The following ZNF609 variants were observed in gnomAD, a reference collection of about 807,000 sequenced individuals.
ZNF609 encodes the protein zinc finger protein 609.
Under a neutral mutation model 109.5 loss-of-function variants are expected in ZNF609, and 11 were observed. That is an observed-to-expected ratio of 0.10 (90% CI 0.06 to 0.17). The LOEUF is 0.17. Among genes scored for constraint, ZNF609 ranks in the 10% least tolerant of loss-of-function variants. The probability of loss-of-function intolerance (pLI) is 1.00; values close to 1 mark genes in which losing one functional copy is unlikely to be tolerated. For missense variants in ZNF609, 1,559 were observed against 1,772.4 expected, an observed-to-expected ratio of 0.88 and a Z score of 2.16; for synonymous variants, 646 against 662.0, an observed-to-expected ratio of 0.98 and a Z score of 0.37.
chr15:64,592,689 G>A (rs754669144), intron 2 of ZNF609, among the ~76,000 whole-genome samples: 1 of 151,646 alleles, frequency 6.6e-6, no homozygotes, highest in Non-Finnish European at 1.5e-5. Flanking sequence ...GGCCAAAGCA[G>A]GCAGATCACC....
At chr15:64,578,586 A>C (rs1450311992) in intron 2 of ZNF609, among the ~76,000 whole-genome samples, 2 of 152,016 alleles carry the variant, frequency 1.3e-5, no homozygotes, top group East Asian at 1.9e-4. Flanking sequence ...CCAGCTACTC[A>C]GGAGGCTGAG....
chr15:64,488,450 G>C (rs922591719), intron 1 of ZNF609, among the ~76,000 whole-genome samples: 6 of 152,178 alleles, frequency 3.9e-5, no homozygotes, highest in Non-Finnish European at 8.8e-5. Flanking sequence ...CTGCCCTCAG[G>C]GTGGGTGCTT....
intron 2 of ZNF609, among the ~76,000 whole-genome samples, chr15:64,534,889 C>G (rs185942059): frequency 6.6e-6 from 1 of 151,928 alleles, no homozygotes; most frequent in Admixed American, 6.6e-5. Context: ...AAAAATTAGA[C>G]GGGCATGGTG....
chr15:64,525,450 T>TA (rs1893956252), intron 2 of ZNF609, among the ~76,000 whole-genome samples: 1 of 152,204 alleles, frequency 6.6e-6, no homozygotes, highest in African/African-American at 2.4e-5. Context: ...TATCTATCCT[T>TA]ATGGCAGTAT....
At chr15:64,569,317 C>G (rs1894825854) in intron 2 of ZNF609, among the ~76,000 whole-genome samples, 1 of 152,202 alleles carries the variant, frequency 6.6e-6, no homozygotes, top group Non-Finnish European at 1.5e-5. Flanking sequence ...GCTAGAACCT[C>G]ATCTGTTTGG....
chr15:64,628,427 C>G (rs1896008279), intron 3 of ZNF609, among the ~76,000 whole-genome samples: 1 of 152,006 alleles, frequency 6.6e-6, no homozygotes, highest in African/African-American at 2.4e-5. Flanking sequence ...GAAGCTGAAG[C>G]AGGTGGATCA....
intron 2 of ZNF609, among the ~76,000 whole-genome samples, chr15:64,569,158 T>G (rs965025160): frequency 6.6e-6 from 1 of 152,220 alleles, no homozygotes; most frequent in Non-Finnish European, 1.5e-5. Flanking sequence ...CATTGAAGCT[T>G]CTTCTGACCA....
chr15:64,633,834 T>A (rs756493688), intron 3 of ZNF609, among the ~76,000 whole-genome samples: 1 of 151,218 alleles, frequency 6.6e-6, no homozygotes, highest in Non-Finnish European at 1.5e-5. Flanking sequence ...TGAGCCGAGA[T>A]AGTGCCACTG....
intron 2 of ZNF609, among the ~76,000 whole-genome samples, chr15:64,554,003 G>A (rs1366155142): frequency 6.6e-6 from 1 of 152,120 alleles, no homozygotes; most frequent in Non-Finnish European, 1.5e-5. Context: ...TTGCTAGCTA[G>A]ACAATCATGT....
intron 3 of ZNF609, among the ~76,000 whole-genome samples, chr15:64,623,256 A>G (rs1567032068): frequency 6.6e-6 from 1 of 152,244 alleles, no homozygotes; most frequent in East Asian, 1.9e-4. Flanking sequence ...AGTATTCAAC[A>G]GTGTTGATCC....
chr15:64,585,160 A>G (rs1475262544), intron 2 of ZNF609, among the ~76,000 whole-genome samples: 1 of 151,788 alleles, frequency 6.6e-6, no homozygotes, highest in Non-Finnish European at 1.5e-5. Context: ...ACTTGTCTCT[A>G]CTAAAAATAC....
intron 2 of ZNF609, among the ~76,000 whole-genome samples, chr15:64,508,057 G>C (rs576092272): frequency 6.6e-6 from 1 of 152,250 alleles, no homozygotes; most frequent in African/African-American, 2.4e-5. Flanking sequence ...TGTAGACTTT[G>C]GGTCAGTCCT....
chr15:64,567,681 A>G (rs1894798919), intron 2 of ZNF609, among the ~76,000 whole-genome samples: 1 of 151,718 alleles, frequency 6.6e-6, no homozygotes, highest in Non-Finnish European at 1.5e-5. Context: ...ATTTATTTTG[A>G]GACAGGATCT....
chr15:64,515,163 T>A (rs11854725), intron 2 of ZNF609, among the ~76,000 whole-genome samples: 2,151 of 152,292 alleles, frequency 0.014, 20 homozygotes, highest in Non-Finnish European at 0.023. Context: ...GGTACAGCAT[T>A]GTATGTATCT....
intron 2 of ZNF609, among the ~76,000 whole-genome samples, chr15:64,540,660 T>C (rs1338730893): frequency 6.6e-6 from 1 of 151,184 alleles, no homozygotes; most frequent in African/African-American, 2.4e-5. Flanking sequence ...CGCCTCGGCC[T>C]GCCAAAGTGC....
intron 2 of ZNF609, among the ~76,000 whole-genome samples, chr15:64,600,121 G>A (rs1176157804): frequency 2.0e-5 from 3 of 152,100 alleles, no homozygotes; most frequent in Non-Finnish European, 2.9e-5. Context: ...AGTTCAAGAC[G>A]AGCCTGGCCA....
At chr15:64,494,040 C>T (rs143036295) in intron 1 of ZNF609, among the ~76,000 whole-genome samples, 3 of 152,250 alleles carry the variant, frequency 2.0e-5, no homozygotes, top group Admixed American at 2.0e-4. Context: ...GGTTTGGAAA[C>T]CTAGATTTCT....
chr15:64,620,136 G>C (rs1895856215), intron 2 of ZNF609, among the ~76,000 whole-genome samples: 1 of 152,236 alleles, frequency 6.6e-6, no homozygotes, highest in Non-Finnish European at 1.5e-5. Flanking sequence ...TCACAGGGGT[G>C]ACCTGGAAGG....
chr15:64,544,605 A>G lies in ZNF609; in HGVS notation c.747+44439A>G, dbSNP rs2140385338. 2.0e-5 allele frequency among the ~76,000 whole-genome samples: 3 copies of G among 152,270 alleles called. No homozygotes were observed. In the South Asian group the frequency reaches 6.2e-4, roughly 32 times the overall value. ...TATGTTGAAACAACAGGCAGCATTCATTTTAGCTGATGATGAAGACCTGGT... is the reference window on the plus strand; with the variant it reads ...TATGTTGAAACAACAGGCAGCATTCGTTTTAGCTGATGATGAAGACCTGGT... On this transcript the variant is annotated intron_variant, in intron 2 of 9. Transcript: ENST00000326648.
Sources: allele counts gnomAD v4.1 joint callset (sites outside exome capture counted in the v4.1 genomes callset), GRCh38; gene constraint gnomAD v4.1.1; transcripts MANE v1.5; gene names NCBI Gene and HGNC (gene_info 2026-07-23, HGNC 2026-07-21).